Variants in FABP6 observed in about 807,000 individuals in gnomAD.
FABP6 encodes the protein fatty acid binding protein 6, also known as gastrotropin.
A neutral mutation model predicts 14.9 loss-of-function variants in FABP6; 13 were observed. The ratio of observed to expected loss-of-function variants is 0.87; its 90% CI spans 0.57 to 1.39. The LOEUF (loss-of-function observed/expected upper bound fraction) is 1.39. FABP6 is among the 40% of genes most tolerant of loss of function. The pLI is 0.00. For missense variants in FABP6, 161 were observed against 167.2 expected, an observed-to-expected ratio of 0.96 and a Z score of 0.20; for synonymous variants, 75 against 63.6, an observed-to-expected ratio of 1.18 and a Z score of -0.85.
intron 2 of FABP6, among the ~76,000 whole-genome samples, chr5:160,201,597 A>C (rs932523827): frequency 1.4e-4 from 21 of 152,266 alleles, no homozygotes; most frequent in African/African-American, 4.8e-4. Context: ...TAATAAGTAA[A>C]GTCAGAGTTG....
At chr5:160,211,815 C>A (rs2113103615) in intron 2 of FABP6, among the ~76,000 whole-genome samples, 1 of 152,200 alleles carries the variant, frequency 6.6e-6, no homozygotes, top group Non-Finnish European at 1.5e-5. Context: ...GATGCCTGAG[C>A]CGACCAACAA....
At chr5:160,214,871 A>G (rs1759980407) in intron 3 of FABP6, among the ~76,000 whole-genome samples, 1 of 152,092 alleles carries the variant, frequency 6.6e-6, no homozygotes, top group African/African-American at 2.4e-5. Context: ...ACAAAACAGA[A>G]GCAGAAAATA....
At chr5:160,216,630 A>G (rs753849185) in intron 3 of FABP6, among the ~76,000 whole-genome samples, 1 of 152,204 alleles carries the variant, frequency 6.6e-6, no homozygotes, top group African/African-American at 2.4e-5. Context: ...AGCAGGATGC[A>G]TGGTGGTAGC....
chr5:160,188,550 C>T (rs1248975971), intron 1 of FABP6, among the ~76,000 whole-genome samples: 1 of 152,176 alleles, frequency 6.6e-6, no homozygotes, highest in Non-Finnish European at 1.5e-5. Flanking sequence ...GCCGCCGCCG[C>T]GCGGCGCTCG....
chr5:160,209,783 G>A (rs957352512), intron 2 of FABP6, among the ~76,000 whole-genome samples: 2 of 152,002 alleles, frequency 1.3e-5, no homozygotes, highest in Non-Finnish European at 2.9e-5. Flanking sequence ...ACTCCTGGCC[G>A]GAAGTGATTC....
chr5:160,193,085 A>G (rs1390779701), intron 1 of FABP6, among the ~76,000 whole-genome samples: 1 of 152,252 alleles, frequency 6.6e-6, no homozygotes, highest in Non-Finnish European at 1.5e-5. Flanking sequence ...ACTGACTTCA[A>G]GAATGAAGCC....
chr5:160,200,507 G>T (rs1759613243), intron 2 of FABP6, among the ~76,000 whole-genome samples: 1 of 151,554 alleles, frequency 6.6e-6, no homozygotes, highest in African/African-American at 2.4e-5. Flanking sequence ...CTGCCTCCTG[G>T]GTTCAAGAGA....
At chr5:160,213,170 T>C (rs1759929141) in intron 2 of FABP6, among the ~76,000 whole-genome samples, 1 of 152,096 alleles carries the variant, frequency 6.6e-6, no homozygotes, top group Non-Finnish European at 1.5e-5. Context: ...CTTTTCTATG[T>C]TTAGAGAACT....
chr5:160,223,646 G>A (rs1019870022), intron 3 of FABP6, among the ~76,000 whole-genome samples: 2 of 150,962 alleles, frequency 1.3e-5, no homozygotes, highest in Admixed American at 1.3e-4. Flanking sequence ...AGGCTGGTCT[G>A]GAACTCCTGG....
At chr5:160,238,544 G>A (rs199521993) in intron 3 of FABP6, 62 bp from the exon 4 acceptor site, 298 of 1,447,018 alleles carry the variant, frequency 2.1e-4, no homozygotes, top group Non-Finnish European at 2.7e-4. Context: ...TTCCTTCAGC[G>A]GTGCCTCCTG....
chr5:160,209,144 C>G (rs1759832114), intron 2 of FABP6, among the ~76,000 whole-genome samples: 1 of 152,152 alleles, frequency 6.6e-6, no homozygotes, highest in South Asian at 2.1e-4. Flanking sequence ...GTCCCAGCTA[C>G]TCCAGAGGCT....
At chr5:160,227,203 T>C (rs1205163603), upstream of FABP6, among the ~76,000 whole-genome samples, 3 of 152,162 alleles carry the variant, frequency 2.0e-5, no homozygotes, top group Non-Finnish European at 2.9e-5. Context: ...CAGAGCAATA[T>C]AGTCTCATTT....
intron 2 of FABP6, 86 bp downstream of exon 2, chr5:160,232,359 G>A: frequency 7.2e-7 from 1 of 1,382,048 alleles, no homozygotes; most frequent in Non-Finnish European, 9.6e-7. Context: ...CTCCCGAGCT[G>A]AGGCTTCTTT....
At chr5:160,214,112 T>TTTC (rs1407882247) in intron 3 of FABP6, among the ~76,000 whole-genome samples, 3 of 139,026 alleles carry the variant, frequency 2.2e-5, no homozygotes, top group Non-Finnish European at 4.6e-5. Flanking sequence ...TCTTTCTTTC[T>TTTC]TTCTTTCTTT....
chr5:160,225,412 T>G (rs1760223755), upstream of FABP6, among the ~76,000 whole-genome samples: 1 of 149,402 alleles, frequency 6.7e-6, no homozygotes, highest in African/African-American at 2.5e-5. Context: ...TTTTTTTTTT[T>G]TTTTTTTGAG....
intron 3 of FABP6, among the ~76,000 whole-genome samples, chr5:160,238,331 G>A (rs1210459027): frequency 6.6e-6 from 1 of 152,162 alleles, no homozygotes; most frequent in Non-Finnish European, 1.5e-5. Flanking sequence ...ATGGAATCAT[G>A]CAGGGTAACA....
chr5:160,188,088 A>G (rs996395258), intron 1 of FABP6, among the ~76,000 whole-genome samples: 2 of 151,954 alleles, frequency 1.3e-5, no homozygotes, highest in Non-Finnish European at 2.9e-5. Flanking sequence ...GCTACAAGAG[A>G]GGGAATCTCC....
At chr5:160,203,352 G>A (rs1166081885) in intron 2 of FABP6, among the ~76,000 whole-genome samples, 1 of 152,164 alleles carries the variant, frequency 6.6e-6, no homozygotes, top group Non-Finnish European at 1.5e-5. Context: ...GGGCATTTTA[G>A]CTAGCTGCTG....
chr5:160,238,035 C>T (rs780767620), intron 3 of FABP6, among the ~76,000 whole-genome samples: 8 of 152,146 alleles, frequency 5.3e-5, no homozygotes, highest in Non-Finnish European at 1.2e-4. Flanking sequence ...GCTGATGACA[C>T]GTGCACATCC....
Sources: allele counts gnomAD v4.1 joint callset (sites outside exome capture counted in the v4.1 genomes callset), GRCh38; gene constraint gnomAD v4.1.1; transcripts MANE v1.5; gene names NCBI Gene and HGNC (gene_info 2026-07-23, HGNC 2026-07-21).